The following DTNA variants were observed in gnomAD, a reference collection of about 807,000 sequenced individuals.
DTNA encodes dystrophin-related protein 3.
Under a neutral mutation model 100.7 loss-of-function variants are expected in DTNA, and 43 were observed. That is an observed-to-expected ratio of 0.43 (90% confidence interval 0.33 to 0.55). The LOEUF (loss-of-function observed/expected upper bound fraction) is 0.55, where lower values mean the gene tolerates loss of function less well. Among genes scored for constraint, DTNA ranks in the 20% least tolerant of loss-of-function variants. The probability of loss-of-function intolerance (pLI) is 0.04; values close to 1 mark genes in which losing one functional copy is unlikely to be tolerated. For synonymous variants in DTNA, 349 were observed against 347.9 expected (o/e 1.00, Z -0.04); for missense variants, 798 against 953.9 (o/e 0.84, Z 2.15).
At chr18:34,510,230 G>A (rs779995186) in intron 1 of DTNA, among the ~76,000 whole-genome samples, 15 of 151,662 alleles carry the variant, frequency 9.9e-5, no homozygotes, top group Admixed American at 2.0e-4. Flanking sequence ...GCTAATCTAT[G>A]CCAATTAGAT....
intron 1 of DTNA, among the ~76,000 whole-genome samples, chr18:34,642,321 C>T (rs900187888): frequency 1.3e-4 from 20 of 152,238 alleles, no homozygotes; most frequent in African/African-American, 4.6e-4. Flanking sequence ...AAACTCCCAC[C>T]CTTCATGTTG....
intron 1 of DTNA, among the ~76,000 whole-genome samples, chr18:34,585,060 C>G (rs964520967): frequency 6.6e-6 from 1 of 152,058 alleles, no homozygotes; most frequent in Admixed American, 6.5e-5. Flanking sequence ...CATTTAAGTT[C>G]TCCAAAAATG....
intron 1 of DTNA, among the ~76,000 whole-genome samples, chr18:34,496,635 A>G (rs1460324903): frequency 6.6e-6 from 1 of 152,174 alleles, no homozygotes; most frequent in African/African-American, 2.4e-5. Context: ...GAGCAGAAAG[A>G]TCTGTGAGCC....
At chr18:34,835,438 G>GTA (rs923394070) in intron 11 of DTNA, among the ~76,000 whole-genome samples, 9 of 152,270 alleles carry the variant, frequency 5.9e-5, no homozygotes, top group African/African-American at 2.2e-4. Context: ...GTTAAGAGAT[G>GTA]TATATATATA....
At chr18:34,550,276 A>C (rs967454458) in intron 1 of DTNA, among the ~76,000 whole-genome samples, 1 of 152,112 alleles carries the variant, frequency 6.6e-6, no homozygotes, top group Admixed American at 6.6e-5. Context: ...AACATTTTTC[A>C]TACACTATTT....
intron 13 of DTNA, among the ~76,000 whole-genome samples, chr18:34,839,489 A>T (rs1295017487): frequency 6.6e-6 from 1 of 152,178 alleles, no homozygotes; most frequent in Admixed American, 6.5e-5. Flanking sequence ...CTCCATTTTC[A>T]TTGTGACATA....
intron 1 of DTNA, among the ~76,000 whole-genome samples, chr18:34,523,674 G>A (rs2042348661): frequency 6.6e-6 from 1 of 152,140 alleles, no homozygotes; most frequent in African/African-American, 2.4e-5. Flanking sequence ...AGGCAGGCCT[G>A]TTGGTCTCTC....
At chr18:34,558,852 C>G (rs2046374921) in intron 1 of DTNA, among the ~76,000 whole-genome samples, 1 of 152,054 alleles carries the variant, frequency 6.6e-6, no homozygotes, top group African/African-American at 2.4e-5. Context: ...GTGGCTGGAG[C>G]TTAGGGAAGG....
At chr18:34,620,534 AG>A (rs1223043777) in intron 1 of DTNA, among the ~76,000 whole-genome samples, 1 of 152,208 alleles carries the variant, frequency 6.6e-6, no homozygotes, top group African/African-American at 2.4e-5. Context: ...TAATGTATAA[AG>A]GAAATATCTT....
At chr18:34,728,263 G>T (rs908169331) in intron 1 of DTNA, among the ~76,000 whole-genome samples, 1 of 152,070 alleles carries the variant, frequency 6.6e-6, no homozygotes, top group Non-Finnish European at 1.5e-5. Flanking sequence ...GGACAAAAAT[G>T]ATTTTGACAA....
At chr18:34,496,205 A>ACACAC (rs2039183347) in intron 1 of DTNA, among the ~76,000 whole-genome samples, 1 of 138,498 alleles carries the variant, frequency 7.2e-6, no homozygotes, top group African/African-American at 2.8e-5. Context: ...CCCTCCCTGC[A>ACACAC]ACACACACAC....
chr18:34,667,098 T>C lies in DTNA; in HGVS notation c.-1-88878T>C, dbSNP rs1429394794. ...TTTGTTTGTGTCCTCTTTTATTTCA[T>C]TGAGCAGTGATTTGTAGTTCTCCTT... On this transcript the variant is annotated intron_variant, in intron 1 of 19. Coordinates refer to the DTNA transcript ENST00000283365. Among the ~76,000 whole-genome samples the C allele has an allele frequency of 3.3e-5, 5 of 152,210 alleles. No homozygotes were observed. The South Asian group carries it at 6.2e-4, about 19-fold the overall frequency.
intron 18 of DTNA, 25 bp downstream of exon 18, chr18:34,875,423 G>C: frequency 6.2e-7 from 1 of 1,613,902 alleles, no homozygotes; most frequent in Non-Finnish European, 8.5e-7. Context: ...TTTTTGTTGT[G>C]GTCTGCTTTT....
chr18:34,567,295 A>G (rs1258430939), intron 1 of DTNA, among the ~76,000 whole-genome samples: 2 of 152,182 alleles, frequency 1.3e-5, no homozygotes, highest in African/African-American at 2.4e-5. Context: ...TATGGTAAGT[A>G]TGTTTATTTT....
intron 1 of DTNA, chr18:34,683,411 G>C (rs1200701036): frequency 6.6e-6 from 1 of 152,092 alleles, no homozygotes; most frequent in Non-Finnish European, 1.5e-5. Context: ...ATTTTAAATG[G>C]AAGGGCCTTG....
intron 1 of DTNA, among the ~76,000 whole-genome samples, chr18:34,589,225 G>A (rs1402305780): frequency 6.6e-6 from 1 of 151,972 alleles, no homozygotes; most frequent in Non-Finnish European, 1.5e-5. Flanking sequence ...TATACATGAT[G>A]TTTTGATATA....
intron 1 of DTNA, among the ~76,000 whole-genome samples, chr18:34,519,500 G>A (rs2041965414): frequency 6.6e-6 from 1 of 152,030 alleles, no homozygotes; most frequent in Non-Finnish European, 1.5e-5. Context: ...CTGTGAAATG[G>A]GTGTATTCAT....
chr18:34,839,146 A>G (rs1306778147), intron 13 of DTNA, among the ~76,000 whole-genome samples: 3 of 152,196 alleles, frequency 2.0e-5, no homozygotes, highest in Non-Finnish European at 4.4e-5. Flanking sequence ...GCTACGTGTC[A>G]TGTCAAATTA....
rs746631625 is a variant in DTNA, at chr18:34,794,372, A to G, written c.362+122A>G. On this transcript the variant is annotated intron_variant, in intron 4 of 22. Transcript: ENST00000444659. ...TTTTTTTTTTACTCTCTTTTTTCTT[A>G]CAGTGGATGCTTATGTCAGTAAAGT... The G allele has an allele frequency of 2.4e-4, 263 of 1,091,084 alleles. 1 individual carries two copies. The highest frequency in any genetic ancestry group is 1.2e-3 in the Middle Eastern group (4 of 3,458). The allele number at this position is 1,091,084 out of a possible 1,614,324, so 67.6% of individuals were successfully genotyped here.
Sources: gnomAD v4.1 joint callset for allele counts (sites outside exome capture counted in the v4.1 genomes callset) on GRCh38, gnomAD v4.1.1 for gene constraint, MANE v1.5 for transcripts, NCBI Gene and HGNC (gene_info 2026-07-23, HGNC 2026-07-21) for gene names.